Variants in CTNNA2 observed in about 807,000 individuals in gnomAD.
CTNNA2 encodes catenin alpha-2.
Under a neutral mutation model 101.0 loss-of-function variants are expected in CTNNA2, and 42 were observed. The ratio of observed to expected loss-of-function variants is 0.42; its 90% confidence interval spans 0.32 to 0.54. CTNNA2 has a LOEUF of 0.54. Among genes scored for constraint, CTNNA2 ranks in the 20% least tolerant of loss-of-function variants. The pLI, the probability that CTNNA2 is intolerant of heterozygous loss-of-function variation, is 0.14. For synonymous variants in CTNNA2, 450 were observed against 456.4 expected (o/e 0.99, Z 0.18); for missense variants, 871 against 1,223.1 (o/e 0.71, Z 4.29).
intron 9 of CTNNA2, among the ~76,000 whole-genome samples, chr2:80,506,612 C>T (rs1015921570): frequency 2.0e-5 from 3 of 152,130 alleles, no homozygotes; most frequent in African/African-American, 7.2e-5. Flanking sequence ...GATAGAACTG[C>T]TTTTCAGGTG....
At chr2:80,600,119 T>A (rs1033365032) in intron 15 of CTNNA2, among the ~76,000 whole-genome samples, 1 of 152,086 alleles carries the variant, frequency 6.6e-6, no homozygotes, top group South Asian at 2.1e-4. Flanking sequence ...GGGAAAGGAT[T>A]AACTTTTCAA....
intron 4 of CTNNA2, among the ~76,000 whole-genome samples, chr2:79,429,040 T>C (rs1370968822): frequency 1.3e-5 from 2 of 152,154 alleles, no homozygotes; most frequent in Admixed American, 6.6e-5. Context: ...AGGCACCTCA[T>C]TGTTGCAGGC....
chr2:80,217,183 T>C (rs1708321761), intron 7 of CTNNA2, among the ~76,000 whole-genome samples: 1 of 152,114 alleles, frequency 6.6e-6, no homozygotes, highest in African/African-American at 2.4e-5. Context: ...AGATGAATAG[T>C]TTCTATGTAG....
chr2:80,310,860 C>T (rs1677499691), intron 7 of CTNNA2, among the ~76,000 whole-genome samples: 1 of 151,604 alleles, frequency 6.6e-6, no homozygotes, highest in Admixed American at 6.6e-5. Context: ...GTAATCCCAG[C>T]TACTTGGGAA....
intron 7 of CTNNA2, among the ~76,000 whole-genome samples, chr2:79,969,196 A>G (rs1690299286): frequency 1.3e-5 from 2 of 152,210 alleles, no homozygotes; most frequent in African/African-American, 4.8e-5. Context: ...TAACAAGAAC[A>G]ACAACAACAA....
At chr2:79,836,658 T>G (rs778015964) in intron 3 of CTNNA2, among the ~76,000 whole-genome samples, 1 of 152,224 alleles carries the variant, frequency 6.6e-6, no homozygotes, top group Non-Finnish European at 1.5e-5. Flanking sequence ...TCCTGGTGGT[T>G]TGCTGTTCAT....
At position 79,852,904 on chromosome 2, in the gene CTNNA2, G is replaced by A. The variant is rs182939172; in HGVS notation, c.299-5109G>A. On this transcript the variant is annotated intron_variant, in intron 3 of 18. Transcript: ENST00000402739. ...CGCGCACAGCCGCAGTTTAACCCTC[G>A]TTTCCCGGGCTGGATGCAATGGTGA... Among the ~76,000 whole-genome samples, 345 of 151,554 alleles carry A rather than the reference G, an allele frequency of 2.3e-3. 1 individual carries two copies. The highest frequency in any genetic ancestry group is 7.9e-3 in the African/African-American group (325 of 41,286).
At chr2:80,416,001 G>C (rs898123507) in intron 8 of CTNNA2, among the ~76,000 whole-genome samples, 11 of 152,078 alleles carry the variant, frequency 7.2e-5, no homozygotes, top group Non-Finnish European at 1.0e-4. Flanking sequence ...AAACAAACAA[G>C]AGGTGGAACT....
At chr2:80,455,132 A>C (rs1683853855) in intron 9 of CTNNA2, among the ~76,000 whole-genome samples, 1 of 152,226 alleles carries the variant, frequency 6.6e-6, no homozygotes, top group South Asian at 2.1e-4. Flanking sequence ...ACAAATGGCA[A>C]ATGGTTAGGT....
chr2:79,241,039 C>CAGAT (rs1303142288), intron 2 of CTNNA2, among the ~76,000 whole-genome samples: 1 of 152,124 alleles, frequency 6.6e-6, no homozygotes, highest in East Asian at 1.9e-4. Flanking sequence ...GAATTTTTCA[C>CAGAT]AGATGGCCAA....
intron 3 of CTNNA2, among the ~76,000 whole-genome samples, chr2:79,768,844 G>A (rs1345438619): frequency 6.6e-6 from 1 of 152,032 alleles, no homozygotes; most frequent in African/African-American, 2.4e-5. Flanking sequence ...AGCAGTTTGT[G>A]TGACTGTTTT....
intron 4 of CTNNA2, among the ~76,000 whole-genome samples, chr2:79,408,308 A>G (rs1390144618): frequency 2.0e-5 from 3 of 150,790 alleles, no homozygotes; most frequent in Non-Finnish European, 3.0e-5. Flanking sequence ...TATTATTATT[A>G]TTATTATTAT....
At chr2:79,778,632 G>A (rs551846647) in intron 3 of CTNNA2, among the ~76,000 whole-genome samples, 3 of 151,982 alleles carry the variant, frequency 2.0e-5, no homozygotes, top group South Asian at 2.1e-4. Context: ...CGTAACATAC[G>A]TACTTTTTAA....
rs1222155637 is a variant in CTNNA2 at position 80,348,224 on chromosome 2, TAA to T, written c.1057-44986_1057-44985del. On this transcript the variant is annotated intron_variant, in intron 7 of 18. Transcript: ENST00000402739. ...TGTCTTCTTAATCACCAGAGACAAGTAAGTTATCTATTTAGTTTACTGCTTTT... is the reference window on the plus strand; with the variant it reads ...TGTCTTCTTAATCACCAGAGACAAGTGTTATCTATTTAGTTTACTGCTTTT... Among the ~76,000 whole-genome samples, 5 of 152,230 alleles carry T rather than the reference TAA, an allele frequency of 3.3e-5. No homozygotes were observed. The East Asian group carries it at 9.6e-4, about 29-fold the overall frequency.
intron 2 of CTNNA2, among the ~76,000 whole-genome samples, chr2:79,254,561 G>T (rs928558214): frequency 6.6e-6 from 1 of 152,158 alleles, no homozygotes; most frequent in African/African-American, 2.4e-5. Context: ...AGAAGCAGAT[G>T]CAGCCTTGCT....
chr2:80,543,445 T>C (rs1165317787), intron 9 of CTNNA2, among the ~76,000 whole-genome samples: 1 of 152,186 alleles, frequency 6.6e-6, no homozygotes, highest in Non-Finnish European at 1.5e-5. Flanking sequence ...AATTAAATGG[T>C]AATGTTTGAA....
At position 80,647,929 on chromosome 2, in the gene CTNNA2, T is replaced by C. The variant is rs994710318; in HGVS notation, c.*57T>C. On this transcript the variant is annotated 3_prime_UTR_variant, in exon 19 of 19. Coordinates refer to ENST00000402739, the MANE Select transcript of CTNNA2 (RefSeq NM_001282597.3). The stretch of plus-strand genomic sequence containing the variant: ...TTCTTTTCTTTCTTTCTTTTTCTTT[T>C]TAATTCCATTTTTGTATGCATACCT... 6.7e-7 allele frequency: 1 copy of C among 1,501,606 alleles called. No individual in the cohort carries two copies. Among genetic ancestry groups the C allele is most frequent in the Non-Finnish European group, 8.9e-7 (1 of 1,121,864 alleles). 93.0% of individuals were successfully genotyped at this position (1,501,606 alleles called of 1,614,324 possible).
rs138765990 is a variant in CTNNA2 at position 79,394,069 on chromosome 2, G to C, written c.-135+20056G>C. On this transcript the variant is annotated intron_variant, in intron 4 of 21. Transcript: ENST00000466387. ...ACAGCTTTGCACTCATGATTAACGT[G>C]GGGGATGAGTGGTCACGTACACTCA... Among the ~76,000 whole-genome samples the C allele has an allele frequency of 1.5e-3, 228 of 152,156 alleles. 1 individual carries two copies. The highest frequency in any genetic ancestry group is 5.3e-3 in the African/African-American group (220 of 41,500).
intron 2 of CTNNA2, among the ~76,000 whole-genome samples, chr2:79,213,079 G>T (rs1228457671): frequency 6.6e-6 from 1 of 152,180 alleles, no homozygotes; most frequent in African/African-American, 2.4e-5. Context: ...AGAACCATTT[G>T]CCTTGTGTGG....
Sources: gnomAD v4.1 joint callset for allele counts (sites outside exome capture counted in the v4.1 genomes callset) on GRCh38, gnomAD v4.1.1 for gene constraint, MANE v1.5 for transcripts, NCBI Gene and HGNC (gene_info 2026-07-23, HGNC 2026-07-21) for gene names.